TFPI: variants seen among roughly 807,000 people sequenced by gnomAD.
The protein encoded by TFPI is anti-convertin.
TFPI carries 15 observed loss-of-function variants against 34.6 expected under a neutral mutation model. The ratio of observed to expected loss-of-function variants is 0.43; its 90% CI spans 0.29 to 0.67. The LOEUF is 0.67. Ranked by LOEUF, TFPI falls within the 30% of genes least tolerant of loss-of-function variation. The probability of loss-of-function intolerance (pLI) is 0.15; values close to 1 mark genes in which losing one functional copy is unlikely to be tolerated. For missense variants in TFPI, 301 were observed against 364.0 expected (o/e 0.83, Z 1.41); for synonymous variants, 105 against 120.1 (o/e 0.87, Z 0.82).
intron 6 of TFPI, chr2:187,478,542 A>C: frequency 2.4e-6 from 3 of 1,242,076 alleles, no homozygotes; most frequent in African/African-American, 1.5e-5. Context: ...TTTGCTAGTT[A>C]GACATTTACA....
intron 1 of TFPI, among the ~76,000 whole-genome samples, chr2:187,504,516 AGT>A (rs945865674): frequency 1.3e-5 from 2 of 151,512 alleles, no homozygotes; most frequent in African/African-American, 4.8e-5. Flanking sequence ...TCAATAGGAG[AGT>A]GAGACTTTTC....
chr2:187,531,773 A>G (rs1687970138), intron 1 of TFPI, among the ~76,000 whole-genome samples: 1 of 152,164 alleles, frequency 6.6e-6, no homozygotes, highest in South Asian at 2.1e-4. Context: ...TGACATGTCT[A>G]AAGACAGCAT....
At chr2:187,529,146 T>C (rs1011181108) in intron 1 of TFPI, among the ~76,000 whole-genome samples, 9 of 152,166 alleles carry the variant, frequency 5.9e-5, no homozygotes, top group Admixed American at 2.6e-4. Context: ...TAGTCCAGGT[T>C]TGAAGTTTGG....
At chr2:187,523,003 G>C in intron 1 of TFPI, among the ~76,000 whole-genome samples, 1 of 151,976 alleles carries the variant, frequency 6.6e-6, no homozygotes, top group East Asian at 1.9e-4. Context: ...GTGTTGATGG[G>C]TATTTATTTG....
intron 1 of TFPI, among the ~76,000 whole-genome samples, chr2:187,508,524 C>T (rs1321625522): frequency 6.6e-6 from 1 of 152,162 alleles, no homozygotes; most frequent in Non-Finnish European, 1.5e-5. Context: ...AGGTCCCTCA[C>T]ATCCCTTGTG....
chr2:187,482,668 C>A (rs1692960455), intron 6 of TFPI, among the ~76,000 whole-genome samples: 1 of 151,846 alleles, frequency 6.6e-6, no homozygotes, highest in Non-Finnish European at 1.5e-5. Context: ...TTTATTAATA[C>A]CTGAGACAGC....
chr2:187,505,548 A>G (rs1036364937), intron 1 of TFPI, among the ~76,000 whole-genome samples: 2 of 152,154 alleles, frequency 1.3e-5, no homozygotes, highest in African/African-American at 4.8e-5. Context: ...ATTTTCTCTC[A>G]GTGTGACCCA....
intron 1 of TFPI, among the ~76,000 whole-genome samples, chr2:187,530,620 G>T (rs1410970462): frequency 6.6e-6 from 1 of 152,104 alleles, no homozygotes; most frequent in Non-Finnish European, 1.5e-5. Context: ...ATAACTTGAT[G>T]GTTACGTTCT....
At chr2:187,544,789 G>C (rs1688768493) in intron 1 of TFPI, among the ~76,000 whole-genome samples, 1 of 152,076 alleles carries the variant, frequency 6.6e-6, no homozygotes, top group Non-Finnish European at 1.5e-5. Flanking sequence ...CTACATTTTA[G>C]ATTGTGAAAA....
At chr2:187,533,117 AG>A (rs1688056730) in intron 1 of TFPI, among the ~76,000 whole-genome samples, 1 of 152,152 alleles carries the variant, frequency 6.6e-6, no homozygotes, top group Non-Finnish European at 1.5e-5. Flanking sequence ...CACCTGGGGA[AG>A]GGGTGGATGT....
intron 1 of TFPI, chr2:187,518,850 C>G (rs1687181497): frequency 6.6e-6 from 1 of 151,950 alleles, no homozygotes; most frequent in African/African-American, 2.4e-5. Context: ...CTTTTTCATT[C>G]TTTTTTCTCT....
At chr2:187,476,865 A>G (rs530434111) in intron 6 of TFPI, among the ~76,000 whole-genome samples, 78 of 152,240 alleles carry the variant, frequency 5.1e-4, no homozygotes, top group African/African-American at 1.8e-3. Flanking sequence ...AGTATTATTT[A>G]TTAGTTTGTA....
intron 1 of TFPI, among the ~76,000 whole-genome samples, chr2:187,541,699 A>AT (rs1688592732): frequency 6.6e-6 from 1 of 152,204 alleles, no homozygotes; most frequent in South Asian, 2.1e-4. Context: ...TTTTACAAAT[A>AT]TTAACTCATG....
At chr2:187,485,270 T>C (rs1477097665) in intron 4 of TFPI, among the ~76,000 whole-genome samples, 1 of 151,772 alleles carries the variant, frequency 6.6e-6, no homozygotes, top group East Asian at 1.9e-4. Context: ...TGTACCACTC[T>C]TGCTTTGAAA....
intron 1 of TFPI, among the ~76,000 whole-genome samples, chr2:187,505,034 T>C (rs1376366545): frequency 1.3e-5 from 2 of 151,954 alleles, no homozygotes; most frequent in Non-Finnish European, 2.9e-5. Flanking sequence ...CCATAAACCA[T>C]TTGAATTCAC....
chr2:187,484,753 C>A (rs938215836), intron 5 of TFPI, 58 bp downstream of exon 5: 1 of 1,480,422 alleles, frequency 6.8e-7, no homozygotes, highest in African/African-American at 1.5e-5. Context: ...ATCTGAGATG[C>A]CTTAGTTTTA....
intron 1 of TFPI, among the ~76,000 whole-genome samples, chr2:187,504,122 C>A (rs563949773): frequency 4.3e-4 from 66 of 152,224 alleles, no homozygotes; most frequent in African/African-American, 1.5e-3. Context: ...ATTTTACTTT[C>A]CACATCTTTC....
intron 1 of TFPI, among the ~76,000 whole-genome samples, chr2:187,511,571 C>T (rs1454099661): frequency 6.6e-6 from 1 of 152,162 alleles, no homozygotes; most frequent in Admixed American, 6.5e-5. Flanking sequence ...TATGGTGTTA[C>T]TCTGACACCA....
rs559222899 is a variant in TFPI at position 187,522,884 on chromosome 2, G to C, written c.-2-19114C>G. On this transcript the variant is annotated intron_variant, in intron 1 of 7. Transcript: ENST00000233156. ...CCAGCCTGGGTGACAGAGCGAGACT[G>C]TGTCTCAAAATAAATAAATAAATAA... 5.2e-4 allele frequency among the ~76,000 whole-genome samples: 71 copies of C among 137,518 alleles called. 1 individual carries two copies. Among genetic ancestry groups the C allele is most frequent in the Admixed American group, 1.3e-3 (16 of 12,626 alleles). The allele number at this position is 137,518 out of a possible 152,430, so 90.2% of individuals were successfully genotyped here.
Sources: gnomAD v4.1 joint callset for allele counts (sites outside exome capture counted in the v4.1 genomes callset) on GRCh38, gnomAD v4.1.1 for gene constraint, MANE v1.5 for transcripts, NCBI Gene and HGNC (gene_info 2026-07-23, HGNC 2026-07-21) for gene names.